The following ANKH variants were observed in gnomAD, a reference collection of about 807,000 sequenced individuals.
ANKH encodes the protein ANKH inorganic pyrophosphate transport regulator.
Under a neutral mutation model 49.0 loss-of-function variants are expected in ANKH, and 15 were observed. The observed-to-expected ratio is 0.31, with a 90% CI of 0.20 to 0.47. The LOEUF is 0.47. ANKH is among the 20% of genes least tolerant of loss of function. The pLI, the probability that ANKH is intolerant of heterozygous loss-of-function variation, is 1.00. For synonymous variants in ANKH, 273 were observed against 260.0 expected (o/e 1.05, Z -0.48); for missense variants, 429 against 652.0 (o/e 0.66, Z 3.72).
chr5:14,761,970 G>A (rs1215927438), intron 2 of ANKH, among the ~76,000 whole-genome samples: 1 of 152,062 alleles, frequency 6.6e-6, no homozygotes, highest in Non-Finnish European at 1.5e-5. Flanking sequence ...TCACCATGTT[G>A]GCCAGGCTGG....
intron 1 of ANKH, among the ~76,000 whole-genome samples, chr5:14,787,807 T>C (rs1740027973): frequency 6.6e-6 from 1 of 152,172 alleles, no homozygotes; most frequent in African/African-American, 2.4e-5. Context: ...AAAAACACTG[T>C]GAATTCCAAC....
intron 1 of ANKH, among the ~76,000 whole-genome samples, chr5:14,850,323 TA>T (rs1359948828): frequency 6.6e-6 from 1 of 152,148 alleles, no homozygotes; most frequent in African/African-American, 2.4e-5. Context: ...TGTACCAAGG[TA>T]TTGTGTCTAG....
intron 1 of ANKH, among the ~76,000 whole-genome samples, chr5:14,845,283 T>C (rs1284595441): frequency 6.6e-6 from 1 of 151,860 alleles, no homozygotes; most frequent in Non-Finnish European, 1.5e-5. Flanking sequence ...GTCCTGTGCC[T>C]GAAACCACCA....
intron 1 of ANKH, among the ~76,000 whole-genome samples, chr5:14,781,603 G>T (rs1223445658): frequency 1.3e-5 from 2 of 152,148 alleles, no homozygotes; most frequent in Non-Finnish European, 2.9e-5. Flanking sequence ...TCATGAAAGG[G>T]TAGACTTAGT....
chr5:14,814,446 T>C (rs1021420996), intron 1 of ANKH, among the ~76,000 whole-genome samples: 1 of 151,656 alleles, frequency 6.6e-6, no homozygotes, highest in Admixed American at 6.6e-5. Context: ...ACAGAAAAAA[T>C]GTTTTTTTAA....
intron 8 of ANKH, among the ~76,000 whole-genome samples, chr5:14,727,643 C>G (rs1366805701): frequency 6.6e-6 from 1 of 152,060 alleles, no homozygotes; most frequent in East Asian, 1.9e-4. Context: ...TAAAGTTCCA[C>G]ACTCCAGCTT....
chr5:14,767,812 C>T (rs1024990741), intron 2 of ANKH, among the ~76,000 whole-genome samples: 14 of 151,882 alleles, frequency 9.2e-5, no homozygotes, highest in Admixed American at 5.9e-4. Context: ...TACATGTATT[C>T]TTTGAAAATG....
At chr5:14,832,337 T>A (rs79621712) in intron 1 of ANKH, among the ~76,000 whole-genome samples, 4,235 of 152,316 alleles carry the variant, frequency 0.028, 209 homozygotes, top group African/African-American at 0.097. Flanking sequence ...CAAATAAATA[T>A]GCTTTCCACC....
intron 8 of ANKH, among the ~76,000 whole-genome samples, chr5:14,730,755 C>A (rs1268624302): frequency 1.3e-5 from 2 of 152,216 alleles, no homozygotes; most frequent in African/African-American, 4.8e-5. Flanking sequence ...GGACCCCAAA[C>A]CTCTGACTTC....
intron 8 of ANKH, among the ~76,000 whole-genome samples, chr5:14,734,529 C>T (rs1943379133): frequency 6.6e-6 from 1 of 152,234 alleles, no homozygotes; most frequent in African/African-American, 2.4e-5. Context: ...ACTATGATAG[C>T]TCTGCTTCCA....
In ANKH at chr5:14,705,604, C is replaced by T. The variant is rs886060070; in HGVS notation, c.*5593G>A. The T allele has an allele frequency of 6.6e-6, 1 of 152,412 alleles. No homozygotes were observed. The highest frequency in any genetic ancestry group is 2.4e-5 in the African/African-American group (1 of 41,454). 9.4% of individuals were successfully genotyped at this position (152,412 alleles called of 1,614,324 possible). ...AAGCCCTTTGATTAACTCCTTGGCC[C>T]TACTAGCTTTAGACAGTTCCCTGAT... On this transcript the variant is annotated 3_prime_UTR_variant, in exon 12 of 12. Transcript: ENST00000284268.
At chr5:14,838,317 A>T (rs1319943482) in intron 1 of ANKH, among the ~76,000 whole-genome samples, 1 of 152,090 alleles carries the variant, frequency 6.6e-6, no homozygotes, top group Non-Finnish European at 1.5e-5. Flanking sequence ...GCACACCAAC[A>T]TGGCACATGT....
In ANKH at chr5:14,725,457, C is replaced by G. The variant is rs891002737; in HGVS notation, c.1012-8622G>C. Among the ~76,000 whole-genome samples, 1 of 152,248 alleles carries G rather than the reference C, an allele frequency of 6.6e-6. No individual in the cohort carries two copies. Among genetic ancestry groups the G allele is most frequent in the African/African-American group, 2.4e-5 (1 of 41,466 alleles). On this transcript the variant is annotated intron_variant, in intron 8 of 11. Transcript: ENST00000284268. This position sits in a 1 kb window ranked among gnomAD's most constrained non-coding sequence, Gnocchi z 4.0. ...CCTGGTGACCAAGTTGATTCACATTCCGGTGCTAGCTTCTTATCCCATCAC... is the reference window on the plus strand; with the variant it reads ...CCTGGTGACCAAGTTGATTCACATTGCGGTGCTAGCTTCTTATCCCATCAC...
In ANKH at chr5:14,708,231, A is replaced by G. The variant is rs1158794976; in HGVS notation, c.*2966T>C. On this transcript the variant is annotated 3_prime_UTR_variant, in exon 12 of 12. Coordinates refer to ENST00000284268, the MANE Select transcript of ANKH (RefSeq NM_054027.6). The stretch of plus-strand genomic sequence containing the variant: ...GGAGGAGCTCTAGAAAACCCTTACT[A>G]TTTCCTATGCTTTGAGCTGCCCAAA... The G allele has an allele frequency of 1.3e-5, 2 of 152,152 alleles. No homozygotes were observed. Among genetic ancestry groups the G allele is most frequent in the African/African-American group, 4.8e-5 (2 of 41,426 alleles). 9.4% of individuals were successfully genotyped at this position (152,152 alleles called of 1,614,324 possible).
intron 1 of ANKH, among the ~76,000 whole-genome samples, chr5:14,769,910 A>G (rs1739382109): frequency 6.6e-6 from 1 of 152,130 alleles, no homozygotes; most frequent in South Asian, 2.1e-4. Context: ...TACCCTGACT[A>G]CTTTAACCAT....
At chr5:14,798,504 A>G in intron 1 of ANKH, 2 of 863,590 alleles carry the variant, frequency 2.3e-6, no homozygotes, top group Non-Finnish European at 3.5e-6. Flanking sequence ...TTTTTTTTTA[A>G]TTAACAAATT....
At chr5:14,763,762 T>G (rs1033771004) in intron 2 of ANKH, among the ~76,000 whole-genome samples, 1 of 152,200 alleles carries the variant, frequency 6.6e-6, no homozygotes, top group Non-Finnish European at 1.5e-5. Flanking sequence ...GTGTGCTGAT[T>G]GAATAAATGT....
chr5:14,721,897 T>TC (rs1161080309), intron 8 of ANKH, among the ~76,000 whole-genome samples: 1 of 114,806 alleles, frequency 8.7e-6, no homozygotes, highest in African/African-American at 3.4e-5. Flanking sequence ...GCCACTGCAC[T>TC]CCAGCCTGGG....
chr5:14,775,568 C>A (rs1277415817), intron 1 of ANKH, among the ~76,000 whole-genome samples: 1 of 152,042 alleles, frequency 6.6e-6, no homozygotes, highest in Non-Finnish European at 1.5e-5. Flanking sequence ...TTTGCAGGAG[C>A]TTATTTAGGT....
Sources: allele counts gnomAD v4.1 joint callset (sites outside exome capture counted in the v4.1 genomes callset), GRCh38; gene constraint gnomAD v4.1.1; non-coding constraint Gnocchi (gnomAD v3.1); transcripts MANE v1.5; gene names NCBI Gene and HGNC (gene_info 2026-07-23, HGNC 2026-07-21).